CHDH: variants seen among roughly 807,000 people sequenced by gnomAD.
The protein encoded by CHDH is choline dehydrogenase, mitochondrial.
In CHDH, 43 loss-of-function variants were observed where a neutral mutation model predicts 56.9. The ratio of observed to expected loss-of-function variants is 0.76; its 90% CI spans 0.59 to 0.97. The LOEUF (loss-of-function observed/expected upper bound fraction) is 0.97. Among genes scored for constraint, CHDH ranks in the 50% least tolerant of loss-of-function variants. CHDH has a pLI of 0.00. For missense variants in CHDH, 816 were observed against 821.1 expected (o/e 0.99, Z 0.08); for synonymous variants, 364 against 348.5 (o/e 1.04, Z -0.50).
At chr3:53,826,316 A>T (rs1048688108) in intron 2 of CHDH, among the ~76,000 whole-genome samples, 5 of 88,874 alleles carry the variant, frequency 5.6e-5, no homozygotes, top group South Asian at 5.7e-4. Flanking sequence ...ACATTACAAT[A>T]AAAAAAAAAA....
At chr3:53,835,035 C>T (rs558339292) in intron 2 of CHDH, among the ~76,000 whole-genome samples, 19 of 152,342 alleles carry the variant, frequency 1.2e-4, no homozygotes, top group Middle Eastern at 3.4e-3. Context: ...AGCATGTCAA[C>T]ATTTCCAGAA....
chr3:53,845,969 G>A (rs1576816302), intron 1 of CHDH, 114 bp downstream of exon 1: 1 of 152,242 alleles, frequency 6.6e-6, no homozygotes, highest in Non-Finnish European at 1.5e-5. Flanking sequence ...GTGTAAAGCG[G>A]GCCCGGGTCT....
Position 53,815,255 on chromosome 3 carries a change from G to T in CHDH, c.*2522C>A, listed in dbSNP as rs7636327. On this transcript the variant is annotated 3_prime_UTR_variant, in exon 9 of 9. Coordinates refer to ENST00000315251, the MANE Select transcript of CHDH (RefSeq NM_018397.5). Reference sequence around the variant, plus strand: ...TCTTTGAGCCATTTTTGCAAAGCACGTTTCTCTGTTTTTAGGTACTGCAAG... The same window carrying T: ...TCTTTGAGCCATTTTTGCAAAGCACTTTTCTCTGTTTTTAGGTACTGCAAG... 6.6e-6 allele frequency: 1 copy of T among 152,234 alleles called. No individual in the cohort carries two copies. The highest frequency in any genetic ancestry group is 1.5e-5 in the Non-Finnish European group (1 of 68,072). 9.4% of individuals were successfully genotyped at this position (152,234 alleles called of 1,614,324 possible).
Position 53,822,634 on chromosome 3 carries a change from A to G in CHDH, c.712T>C (p.Trp238Arg). 1.2e-6 allele frequency: 2 copies of G among 1,608,120 alleles called. No homozygotes were observed. The highest frequency in any genetic ancestry group is 1.7e-6 in the Non-Finnish European group (2 of 1,179,092). The change falls in exon 4 of 9, where the codon TGG becomes CGG. Residue 238 changes from tryptophan (W) to arginine (R), a missense_variant. Physicochemically the swap from Trp to Arg is moderately radical, Grantham distance 101. Transcript: ENST00000315251. The stretch of plus-strand genomic sequence containing the variant: ...TGCAGGTAGGCACAGGCCGCGCTCC[A>G]CCGTTTGCCTGCAGGATGGAGTGAG... Reference protein sequence around the residue: ...MDMTIHEGKRWSAACAYLHPA... With the variant: ...MDMTIHEGKRRSAACAYLHPA...
At position 53,823,470 on chromosome 3, in the gene CHDH, T is replaced by C; in HGVS notation, c.539A>G (p.Tyr180Cys). 6.4e-7 allele frequency: 1 copy of C among 1,551,658 alleles called. No homozygotes were observed. The highest frequency in any genetic ancestry group is 8.7e-7 in the Non-Finnish European group (1 of 1,148,988). ...AQGHELGASR[Y>C]RGADGPLRVS... ...CCGCAGCGGGCCATCGGCGCCCCGG[T>C]ACCGGCTGGCGCCCAGCTCGTGGCC... Residue 180 changes from tyrosine to cysteine, a missense_variant, in exon 3 of 9, where the codon TAC becomes TGC. Physicochemically the swap from Tyr to Cys is radical, Grantham distance 194. Transcript: ENST00000315251.
intron 2 of CHDH, among the ~76,000 whole-genome samples, chr3:53,838,193 C>A (rs1435741256): frequency 6.6e-6 from 1 of 152,162 alleles, no homozygotes; most frequent in Non-Finnish European, 1.5e-5. Context: ...TATTTCTTCT[C>A]CCTTGCAGGC....
chr3:53,843,141 C>G (rs1185453654), intron 1 of CHDH, among the ~76,000 whole-genome samples: 1 of 149,652 alleles, frequency 6.7e-6, no homozygotes, highest in African/African-American at 2.5e-5. Context: ...ATGACAGAAT[C>G]TGGGGATTAC....
intron 1 of CHDH, among the ~76,000 whole-genome samples, chr3:53,845,061 C>T (rs1028500520): frequency 6.6e-6 from 1 of 152,224 alleles, no homozygotes; most frequent in Non-Finnish European, 1.5e-5. Context: ...ACTATTAGAG[C>T]TGAAAATGTT....
intron 5 of CHDH, among the ~76,000 whole-genome samples, chr3:53,821,144 C>A (rs1012102223): frequency 1.3e-5 from 2 of 152,238 alleles, no homozygotes; most frequent in Non-Finnish European, 1.5e-5. Context: ...CTAGCCCTCC[C>A]GGAGTGGGGT....
intron 4 of CHDH, among the ~76,000 whole-genome samples, chr3:53,822,257 A>T (rs1015937295): frequency 1.3e-5 from 2 of 151,822 alleles, no homozygotes; most frequent in African/African-American, 4.8e-5. Context: ...AGAGCTCTGA[A>T]TTAGGCATGG....
At chr3:53,829,448 C>G (rs1005915606) in intron 2 of CHDH, among the ~76,000 whole-genome samples, 2 of 152,064 alleles carry the variant, frequency 1.3e-5, no homozygotes, top group Non-Finnish European at 2.9e-5. Context: ...CACTTTAGTG[C>G]GAGGATGTTG....
intron 5 of CHDH, among the ~76,000 whole-genome samples, chr3:53,821,258 AG>A (rs1163445611): frequency 3.3e-5 from 5 of 152,202 alleles, no homozygotes; most frequent in Admixed American, 3.3e-4. Flanking sequence ...TGGAGCACGG[AG>A]CTGACCTCAT....
intron 1 of CHDH, among the ~76,000 whole-genome samples, chr3:53,842,786 C>G (rs1270841233): frequency 6.6e-6 from 1 of 152,080 alleles, no homozygotes; most frequent in Admixed American, 6.5e-5. Context: ...GTCTTTCCCT[C>G]AAAGCAGGCA....
In CHDH at chr3:53,818,110, T is replaced by C. The variant is rs1352226339; in HGVS notation, c.1452A>G (p.Lys484=). 1.2e-6 allele frequency: 2 copies of C among 1,613,932 alleles called. No individual in the cohort carries two copies. The change falls in exon 9 of 9, where the codon AAA becomes AAG. Residue 484 remains lysine, a synonymous_variant. Coordinates refer to ENST00000315251, the MANE Select transcript of CHDH (RefSeq NM_018397.5). ...GAATGTGGCTTCCTGGCTGGAGCTCTTTCCCTCGGAACGGAGCCAGGGCTT... is the reference window on the plus strand; with the variant it reads ...GAATGTGGCTTCCTGGCTGGAGCTCCTTCCCTCGGAACGGAGCCAGGGCTT... ...AQEALAPFRG[K]ELQPGSHIQS... is the part of the protein sequence containing the mutation.
At position 53,815,528 on chromosome 3, in the gene CHDH, A is replaced by G. The variant is rs2095614288; in HGVS notation, c.*2249T>C. The G allele has an allele frequency of 6.6e-6, 1 of 152,162 alleles. No individual in the cohort carries two copies. Among genetic ancestry groups the G allele is most frequent in the Admixed American group, 6.5e-5 (1 of 15,280 alleles). 9.4% of individuals were successfully genotyped at this position (152,162 alleles called of 1,614,324 possible). On this transcript the variant is annotated 3_prime_UTR_variant, in exon 9 of 9. Transcript: ENST00000315251. ...GCCAAATTGTGCGATTGTGTAGAAC[A>G]TGGCTAAGTATTTGAGAGTGAAAGA...
chr3:53,814,288 C>A lies in CHDH; in HGVS notation c.*3489G>T, dbSNP rs966928983. 1 of 152,196 alleles carries A rather than the reference C, an allele frequency of 6.6e-6. No individual in the cohort carries two copies. The highest frequency in any genetic ancestry group is 2.4e-5 in the African/African-American group (1 of 41,444). The allele number at this position is 152,196 out of a possible 1,614,324, so 9.4% of individuals were successfully genotyped here. A position where few individuals can be genotyped will look rare whatever the true frequency, so the allele number is the denominator to read the frequency against. ...AGGCAGCTGGCTGGTTTAGAAAAACCAGTTAGCCATAGAACTGACATCACG... is the reference window on the plus strand; with the variant it reads ...AGGCAGCTGGCTGGTTTAGAAAAACAAGTTAGCCATAGAACTGACATCACG... On this transcript the variant is annotated 3_prime_UTR_variant, in exon 9 of 9. Coordinates refer to ENST00000315251, the MANE Select transcript of CHDH (RefSeq NM_018397.5).
chr3:53,826,437 G>A (rs2095639231), intron 2 of CHDH, among the ~76,000 whole-genome samples: 1 of 152,120 alleles, frequency 6.6e-6, no homozygotes, highest in Non-Finnish European at 1.5e-5. Flanking sequence ...AACCAAGTGG[G>A]CTTTATCTCA....
chr3:53,827,169 ATG>A (rs2095640537), intron 2 of CHDH, among the ~76,000 whole-genome samples: 1 of 152,120 alleles, frequency 6.6e-6, no homozygotes, highest in South Asian at 2.1e-4. Context: ...GTAATCACCA[ATG>A]TTGGAAGAGG....
intron 2 of CHDH, among the ~76,000 whole-genome samples, chr3:53,827,651 G>A (rs1040596924): frequency 2.6e-5 from 4 of 152,032 alleles, no homozygotes; most frequent in African/African-American, 9.7e-5. Flanking sequence ...AAATAAATAA[G>A]CATCACAAAG....
Sources: gnomAD v4.1 joint callset for allele counts (sites outside exome capture counted in the v4.1 genomes callset) on GRCh38, gnomAD v4.1.1 for gene constraint, MANE v1.5 for transcripts, NCBI Gene and HGNC (gene_info 2026-07-23, HGNC 2026-07-21) for gene names.